CHCHD3: variants seen among roughly 807,000 people sequenced by gnomAD.
The protein encoded by CHCHD3 is coiled-coil-helix-coiled-coil-helix domain containing 3.
In CHCHD3, 20 loss-of-function variants were observed where a neutral mutation model predicts 38.2. The observed-to-expected ratio is 0.52, with a 90% CI of 0.37 to 0.76. The LOEUF (loss-of-function observed/expected upper bound fraction) is 0.76, where lower values mean the gene tolerates loss of function less well. CHCHD3 is among the 30% of genes least tolerant of loss of function. The probability of loss-of-function intolerance (pLI) is 0.00; values close to 1 mark genes in which losing one functional copy is unlikely to be tolerated. For synonymous variants in CHCHD3, 82 were observed against 100.0 expected, an observed-to-expected ratio of 0.82 and a Z score of 1.07; for missense variants, 245 against 279.2, an observed-to-expected ratio of 0.88 and a Z score of 0.87.
intron 1 of CHCHD3, 103 bp from the exon 2 acceptor site, chr7:133,070,332 C>T (rs1181686091): frequency 7.2e-6 from 6 of 828,838 alleles, no homozygotes; most frequent in African/African-American, 3.5e-5. Flanking sequence ...ATACATATGA[C>T]GAATGCCCTA....
chr7:132,799,460 T>C (rs1356313386), intron 6 of CHCHD3, among the ~76,000 whole-genome samples: 1 of 152,180 alleles, frequency 6.6e-6, no homozygotes, highest in East Asian at 1.9e-4. Context: ...AAGCCCCTAT[T>C]AGGCAAAAAT....
chr7:132,921,474 T>C (rs1810261007), intron 4 of CHCHD3, among the ~76,000 whole-genome samples: 1 of 152,130 alleles, frequency 6.6e-6, no homozygotes, highest in African/African-American at 2.4e-5. Flanking sequence ...AATCTGCAAG[T>C]CTCTGCATAT....
At chr7:132,957,393 A>C (rs765679599) in intron 4 of CHCHD3, among the ~76,000 whole-genome samples, 2 of 152,224 alleles carry the variant, frequency 1.3e-5, no homozygotes, top group Non-Finnish European at 2.9e-5. Context: ...CCAAACTGGG[A>C]AATGGCTGCG....
chr7:132,824,619 G>C (rs1313305204), intron 6 of CHCHD3, among the ~76,000 whole-genome samples: 1 of 152,096 alleles, frequency 6.6e-6, no homozygotes, highest in Non-Finnish European at 1.5e-5. Context: ...CGGCCACCAA[G>C]TAGGTAGAAC....
chr7:133,054,977 G>A (rs1258390193), intron 2 of CHCHD3, among the ~76,000 whole-genome samples: 1 of 151,976 alleles, frequency 6.6e-6, no homozygotes, highest in Non-Finnish European at 1.5e-5. Flanking sequence ...TGCCCACAAG[G>A]AGCTTAATGT....
intron 2 of CHCHD3, chr7:133,034,466 A>T: frequency 1.4e-6 from 1 of 714,086 alleles, no homozygotes; most frequent in East Asian, 2.7e-5. Flanking sequence ...AAAAAAATGC[A>T]TCTATAATTC....
At chr7:132,972,335 AAG>A (rs1811633255) in intron 4 of CHCHD3, among the ~76,000 whole-genome samples, 1 of 152,228 alleles carries the variant, frequency 6.6e-6, no homozygotes, top group Non-Finnish European at 1.5e-5. Context: ...AGTTATACAA[AAG>A]AGTGTATACT....
intron 4 of CHCHD3, among the ~76,000 whole-genome samples, chr7:132,890,563 G>A (rs1468901045): frequency 1.3e-5 from 2 of 152,098 alleles, no homozygotes; most frequent in Admixed American, 1.3e-4. Flanking sequence ...TCAAGCACAA[G>A]GCATTTTAAG....
intron 2 of CHCHD3, among the ~76,000 whole-genome samples, chr7:133,050,693 A>C (rs1322691572): frequency 1.3e-5 from 2 of 152,190 alleles, no homozygotes; most frequent in Non-Finnish European, 2.9e-5. Flanking sequence ...TTAACTGTCA[A>C]GGTTATTTCT....
chr7:132,791,009 A>C (rs531089460), intron 7 of CHCHD3, among the ~76,000 whole-genome samples: 3 of 152,350 alleles, frequency 2.0e-5, no homozygotes, highest in African/African-American at 7.2e-5. Context: ...GCTTTGACCT[A>C]TAGGGAGTGA....
rs548298820 is a variant in CHCHD3, at chr7:132,973,328, C to A, written c.369+1841G>T. 1.0e-5 allele frequency: 10 copies of A among 985,446 alleles called. No individual in the cohort carries two copies. The Admixed American group carries it at 1.8e-4, about 18-fold the overall frequency. The allele number at this position is 985,446 out of a possible 1,614,324, so 61.0% of individuals were successfully genotyped here. ...CACTATTAACCTCCTCCACTACATC[C>A]TTAGCTTCCAAATTTGGAGACTTTA... On this transcript the variant is annotated intron_variant, in intron 4 of 7. Transcript: ENST00000262570.
intron 4 of CHCHD3, among the ~76,000 whole-genome samples, chr7:132,912,589 C>G (rs1809978714): frequency 6.6e-6 from 1 of 152,182 alleles, no homozygotes; most frequent in Non-Finnish European, 1.5e-5. Flanking sequence ...AAGTCTCACT[C>G]TGTTACCCAG....
At position 132,913,929 on chromosome 7, in the gene CHCHD3, C is replaced by G. The variant is rs1585631968; in HGVS notation, c.370-28184G>C. On this transcript the variant is annotated intron_variant, in intron 4 of 7. Transcript: ENST00000262570. ...GTGTACTTATCAACAGAAAAAGGCT[C>G]TGTAAACGTTTTCTTTTTCTTTTTT... Among the ~76,000 whole-genome samples, 3 of 149,838 alleles carry G rather than the reference C, an allele frequency of 2.0e-5. No homozygotes were observed. The Admixed American group carries it at 2.0e-4, about 10-fold the overall frequency.
At chr7:132,862,060 T>C (rs1013014675) in intron 5 of CHCHD3, among the ~76,000 whole-genome samples, 2 of 139,620 alleles carry the variant, frequency 1.4e-5, no homozygotes, top group Non-Finnish European at 3.1e-5. Flanking sequence ...CACTTAATGT[T>C]TGCTGATGGA....
At chr7:132,946,342 G>A (rs1007954333) in intron 4 of CHCHD3, among the ~76,000 whole-genome samples, 1 of 151,832 alleles carries the variant, frequency 6.6e-6, no homozygotes, top group African/African-American at 2.4e-5. Context: ...GCAGTGCCTG[G>A]TCCATAGTAG....
intron 5 of CHCHD3, among the ~76,000 whole-genome samples, chr7:132,865,239 C>T (rs1045241887): frequency 1.3e-5 from 2 of 152,194 alleles, no homozygotes; most frequent in Admixed American, 1.3e-4. Flanking sequence ...ACTTTTTTAG[C>T]TGTACCTAAC....
intron 5 of CHCHD3, among the ~76,000 whole-genome samples, chr7:132,872,231 C>T (rs1360358127): frequency 6.6e-6 from 1 of 152,180 alleles, no homozygotes; most frequent in Non-Finnish European, 1.5e-5. Context: ...GAAACAAGTG[C>T]ACACTCAGTC....
intron 2 of CHCHD3, among the ~76,000 whole-genome samples, chr7:133,032,834 A>G (rs1308554751): frequency 1.3e-5 from 2 of 152,128 alleles, no homozygotes; most frequent in Non-Finnish European, 2.9e-5. Context: ...AATAATAATT[A>G]CCTTTGGATA....
intron 5 of CHCHD3, among the ~76,000 whole-genome samples, chr7:132,844,558 G>A (rs912332069): frequency 6.6e-6 from 1 of 152,174 alleles, no homozygotes; most frequent in African/African-American, 2.4e-5. Context: ...AGGTACATGT[G>A]ATTTAATTCA....
Sources: allele counts gnomAD v4.1 joint callset (sites outside exome capture counted in the v4.1 genomes callset), GRCh38; gene constraint gnomAD v4.1.1; transcripts MANE v1.5; gene names NCBI Gene and HGNC (gene_info 2026-07-23, HGNC 2026-07-21).